Variants in DLG2 observed in about 807,000 individuals in gnomAD.
DLG2 encodes disks large homolog 2.
A neutral mutation model predicts 132.5 loss-of-function variants in DLG2; 45 were observed. The observed-to-expected ratio is 0.34, with a 90% CI of 0.27 to 0.44. The LOEUF (loss-of-function observed/expected upper bound fraction) is 0.44, where lower values mean the gene tolerates loss of function less well. Among genes scored for constraint, DLG2 ranks in the 20% least tolerant of loss-of-function variants. DLG2 has a pLI of 1.00. For missense variants in DLG2, 1,045 were observed against 1,196.9 expected (o/e 0.87, Z 1.87); for synonymous variants, 424 against 419.6 (o/e 1.01, Z -0.13).
At chr11:85,387,941 T>C (rs576126826) in intron 3 of DLG2, among the ~76,000 whole-genome samples, 1 of 152,246 alleles carries the variant, frequency 6.6e-6, no homozygotes, top group African/African-American at 2.4e-5. Context: ...ACTGAGAGAA[T>C]CCACAGACCA....
intron 10 of DLG2, among the ~76,000 whole-genome samples, chr11:84,077,212 ACTCT>A (rs1486168059): frequency 6.6e-6 from 1 of 151,894 alleles, no homozygotes; most frequent in African/African-American, 2.4e-5. Flanking sequence ...GTTTATACAC[ACTCT>A]CTCTATTTTC....
chr11:84,687,308 C>T (rs1565662331), intron 6 of DLG2: 1 of 152,106 alleles, frequency 6.6e-6, no homozygotes, highest in African/African-American at 2.4e-5. Flanking sequence ...ACTGATTTTA[C>T]AGGGTTGTTG....
chr11:84,036,686 G>A (rs2095872200), intron 11 of DLG2, among the ~76,000 whole-genome samples: 1 of 152,046 alleles, frequency 6.6e-6, no homozygotes, highest in African/African-American at 2.4e-5. Flanking sequence ...AAAATTATAA[G>A]AAAATCTTCC....
At chr11:83,700,079 A>C (rs1018373185) in intron 18 of DLG2, among the ~76,000 whole-genome samples, 4 of 151,904 alleles carry the variant, frequency 2.6e-5, no homozygotes, top group African/African-American at 9.7e-5. Context: ...AGTTTTCAAT[A>C]AATACCTTAT....
At chr11:84,107,449 T>C (rs1318410463) in intron 9 of DLG2, among the ~76,000 whole-genome samples, 1 of 150,618 alleles carries the variant, frequency 6.6e-6, no homozygotes, top group African/African-American at 2.4e-5. Context: ...TTAATAGTGC[T>C]TTGTAGATCT....
Position 83,965,372 on chromosome 11 carries a change from T to C in DLG2, c.1153A>G (p.Thr385Ala), listed in dbSNP as rs1399546679. The C allele has an allele frequency of 6.2e-7, 1 of 1,612,564 alleles. No homozygotes were observed. The highest frequency in any genetic ancestry group is 1.1e-5 in the South Asian group (1 of 91,014). The change falls in exon 13 of 28, where the codon ACT becomes GCT. Residue 385 changes from threonine (T) to alanine (A), a missense_variant. Physicochemically the swap from Thr to Ala is moderately conservative, Grantham distance 58. Transcript: ENST00000376104. ...EVVYLKVGKP[T>A]TIYMTDPYGP... ...TAAGGATCAGTCATATAAATGGTAG[T>C]GGGTTTGCCAACTTTTAAATAAACT...
At chr11:84,911,229 C>T (rs562927808) in intron 6 of DLG2, among the ~76,000 whole-genome samples, 1 of 152,074 alleles carries the variant, frequency 6.6e-6, no homozygotes, top group Admixed American at 6.5e-5. Flanking sequence ...GAGCTCTTTC[C>T]CTTGTGAAAT....
At chr11:84,166,243 C>T (rs1279265833) in intron 8 of DLG2, among the ~76,000 whole-genome samples, 3 of 152,156 alleles carry the variant, frequency 2.0e-5, no homozygotes, top group East Asian at 3.9e-4. Context: ...GTGGCTCATG[C>T]CTGTAATTCC....
intron 9 of DLG2, among the ~76,000 whole-genome samples, chr11:84,126,432 A>G (rs1188752108): frequency 6.6e-6 from 1 of 152,182 alleles, no homozygotes; most frequent in Non-Finnish European, 1.5e-5. Flanking sequence ...ATACCAAAGA[A>G]AGAAAACTCT....
intron 3 of DLG2, among the ~76,000 whole-genome samples, chr11:85,307,370 G>A (rs2080024500): frequency 6.6e-6 from 1 of 151,880 alleles, no homozygotes; most frequent in Non-Finnish European, 1.5e-5. Flanking sequence ...TGTAAGCGGT[G>A]GGAAAAAAAG....
chr11:85,313,541 A>G (rs1229363318), intron 3 of DLG2, among the ~76,000 whole-genome samples: 3 of 152,072 alleles, frequency 2.0e-5, no homozygotes, highest in Non-Finnish European at 4.4e-5. Flanking sequence ...ATAATGTAAC[A>G]TAGTCTATAT....
chr11:84,913,616 CAAAT>C (rs2154078855), intron 6 of DLG2, among the ~76,000 whole-genome samples: 1 of 152,096 alleles, frequency 6.6e-6, no homozygotes, highest in Non-Finnish European at 1.5e-5. Flanking sequence ...GAACACATGA[CAAAT>C]AATACATCTT....
chr11:84,506,163 C>G (rs1452580570), intron 7 of DLG2, among the ~76,000 whole-genome samples: 3 of 146,444 alleles, frequency 2.0e-5, no homozygotes, highest in Non-Finnish European at 4.5e-5. Context: ...GCAAGCTCCG[C>G]CTCCCGGGTT....
At chr11:85,185,704 C>T (rs2080044244) in intron 4 of DLG2, among the ~76,000 whole-genome samples, 1 of 151,836 alleles carries the variant, frequency 6.6e-6, no homozygotes. Context: ...GTCCTCATAA[C>T]ACCCTCTGCA....
At chr11:83,785,856 T>A (rs1437708689) in intron 18 of DLG2, among the ~76,000 whole-genome samples, 1 of 152,232 alleles carries the variant, frequency 6.6e-6, no homozygotes, top group East Asian at 1.9e-4. Flanking sequence ...TGTTTAATAC[T>A]CCTCTTTGCT....
chr11:83,898,147 T>C (rs2072321110), intron 15 of DLG2, among the ~76,000 whole-genome samples: 1 of 152,148 alleles, frequency 6.6e-6, no homozygotes, highest in Admixed American at 6.6e-5. Flanking sequence ...TAATAAATAA[T>C]AGAGATCTAT....
chr11:83,818,382 A>G (rs1216198053), intron 17 of DLG2, among the ~76,000 whole-genome samples: 1 of 152,190 alleles, frequency 6.6e-6, no homozygotes, highest in Non-Finnish European at 1.5e-5. Context: ...CAAGGAAAAC[A>G]TGAATCCTCC....
intron 3 of DLG2, among the ~76,000 whole-genome samples, chr11:85,348,180 T>C (rs2152873554): frequency 1.3e-5 from 2 of 148,430 alleles, no homozygotes; most frequent in Middle Eastern, 6.9e-3. Flanking sequence ...AGAGACAGGG[T>C]TTCACCATGT....
chr11:84,772,282 C>T (rs1257292127), intron 6 of DLG2, among the ~76,000 whole-genome samples: 3 of 152,072 alleles, frequency 2.0e-5, no homozygotes, highest in African/African-American at 7.2e-5. Context: ...CATTGGAGCA[C>T]CCAGATTCAT....
Sources: allele counts gnomAD v4.1 joint callset (sites outside exome capture counted in the v4.1 genomes callset), GRCh38; gene constraint gnomAD v4.1.1; transcripts MANE v1.5; gene names NCBI Gene and HGNC (gene_info 2026-07-23, HGNC 2026-07-21).